The following PGGT1B variants were observed in gnomAD, a reference collection of about 807,000 sequenced individuals.
The protein encoded by PGGT1B is protein geranylgeranyltransferase type I subunit beta, also known as geranylgeranyl transferase type-1 subunit beta.
A neutral mutation model predicts 46.1 loss-of-function variants in PGGT1B; 30 were observed. The observed-to-expected ratio is 0.65, with a 90% CI of 0.49 to 0.88. The LOEUF (loss-of-function observed/expected upper bound fraction) is 0.88. Ranked by LOEUF, PGGT1B falls within the 40% of genes least tolerant of loss-of-function variation. The pLI, the probability that PGGT1B is intolerant of heterozygous loss-of-function variation, is 0.00. For missense variants in PGGT1B, 376 were observed against 455.9 expected (o/e 0.82, Z 1.60); for synonymous variants, 170 against 160.0 (o/e 1.06, Z -0.47).
At chr5:115,249,596 G>A (rs902236933) in intron 2 of PGGT1B, among the ~76,000 whole-genome samples, 1 of 150,990 alleles carries the variant, frequency 6.6e-6, no homozygotes, top group African/African-American at 2.4e-5. Flanking sequence ...AATGAGTCAG[G>A]GAGGAGCAGG....
intron 6 of PGGT1B, among the ~76,000 whole-genome samples, chr5:115,229,544 G>A (rs891903772): frequency 5.3e-5 from 8 of 151,970 alleles, no homozygotes. Flanking sequence ...TTCCTGACAG[G>A]ACCCATTAGA....
At position 115,262,375 on chromosome 5, in the gene PGGT1B, C is replaced by T. The variant is rs954161911; in HGVS notation, c.140+337G>A. On this transcript the variant is annotated intron_variant, in intron 1 of 8. Transcript: ENST00000419445. ...CAGAAGTATTCATCTAAAAATACGACGACAAACTTTGTCCTTTTCCTTTTA... is the reference window on the plus strand; with the variant it reads ...CAGAAGTATTCATCTAAAAATACGATGACAAACTTTGTCCTTTTCCTTTTA... The T allele has an allele frequency of 2.7e-5, 8 of 294,346 alleles. No homozygotes were observed. In the East Asian group the frequency reaches 6.3e-4, roughly 23 times the overall value. The allele number at this position is 294,346 out of a possible 1,614,324, so 18.2% of individuals were successfully genotyped here.
chr5:115,262,516 C>G, intron 1 of PGGT1B, 196 bp downstream of exon 1: 1 of 605,340 alleles, frequency 1.7e-6, no homozygotes, highest in Non-Finnish European at 2.9e-6. Context: ...CCACAGCCCT[C>G]GACCTACAGC....
intron 5 of PGGT1B, among the ~76,000 whole-genome samples, chr5:115,232,318 G>A (rs1757016411): frequency 6.6e-6 from 1 of 151,882 alleles, no homozygotes; most frequent in Non-Finnish European, 1.5e-5. Flanking sequence ...GAACTGCTAT[G>A]GGCAAAAAAA....
At chr5:115,222,663 G>GTGT in intron 6 of PGGT1B, among the ~76,000 whole-genome samples, 1 of 152,246 alleles carries the variant, frequency 6.6e-6, no homozygotes, top group Non-Finnish European at 1.5e-5. Flanking sequence ...CTGCTATAAA[G>GTGT]ACACATGTAC....
intron 4 of PGGT1B, among the ~76,000 whole-genome samples, 170 bp downstream of exon 4, chr5:115,237,687 GA>G (rs1263673587): frequency 6.6e-6 from 1 of 152,030 alleles, no homozygotes; most frequent in African/African-American, 2.4e-5. Context: ...ACTCACAGAG[GA>G]AATCTGAGGT....
At chr5:115,237,326 C>T (rs2127011369) in intron 4 of PGGT1B, among the ~76,000 whole-genome samples, 1 of 152,252 alleles carries the variant, frequency 6.6e-6, no homozygotes, top group South Asian at 2.1e-4. Flanking sequence ...GCTTCTCAGA[C>T]TTAAAATTTT....
At chr5:115,255,049 CT>C (rs1748254383) in intron 1 of PGGT1B, among the ~76,000 whole-genome samples, 1 of 152,142 alleles carries the variant, frequency 6.6e-6, no homozygotes, top group Non-Finnish European at 1.5e-5. Flanking sequence ...GATACCTAAA[CT>C]TTTCTAATCA....
intron 1 of PGGT1B, among the ~76,000 whole-genome samples, chr5:115,261,465 T>C (rs1447408368): frequency 6.6e-6 from 1 of 152,218 alleles, no homozygotes; most frequent in Non-Finnish European, 1.5e-5. Flanking sequence ...CAATTGCCAC[T>C]GGCCAATATG....
Position 115,212,555 on chromosome 5 carries a change from A to G in PGGT1B, c.981T>C (p.Cys327=). ...PDALHAYFGI[C]GLSLMEESGI... ...CACTTTCCTCCATTAGTGACAGGCC[A>G]CAGATCCCAAAGTATGCATGCAAAG... Residue 327 remains cysteine, a synonymous_variant, in exon 9 of 9, where the codon TGT becomes TGC. Transcript: ENST00000419445. 1 of 1,612,340 alleles carries G rather than the reference A, an allele frequency of 6.2e-7. No homozygotes were observed. The highest frequency in any genetic ancestry group is 8.5e-7 in the Non-Finnish European group (1 of 1,179,174).
intron 2 of PGGT1B, 164 bp downstream of exon 2, chr5:115,252,973 G>A: frequency 1.7e-6 from 1 of 597,226 alleles, no homozygotes; most frequent in Non-Finnish European, 2.9e-6. Context: ...GATCAGATTT[G>A]TTAAGTACTG....
At chr5:115,245,327 A>C (rs1245288279) in intron 2 of PGGT1B, among the ~76,000 whole-genome samples, 1 of 152,182 alleles carries the variant, frequency 6.6e-6, no homozygotes, top group Non-Finnish European at 1.5e-5. Context: ...TTCTGTTTTT[A>C]GCCTGATTAA....
intron 6 of PGGT1B, among the ~76,000 whole-genome samples, chr5:115,223,584 T>C (rs1756657216): frequency 6.6e-6 from 1 of 152,192 alleles, no homozygotes; most frequent in South Asian, 2.1e-4. Context: ...CCGGCCCTGC[T>C]GACATCTTGA....
At chr5:115,248,858 TA>T (rs1747969795) in intron 2 of PGGT1B, among the ~76,000 whole-genome samples, 1 of 152,204 alleles carries the variant, frequency 6.6e-6, no homozygotes, top group South Asian at 2.1e-4. Context: ...AGGTGAAGAA[TA>T]AATCTATCTG....
intron 1 of PGGT1B, among the ~76,000 whole-genome samples, chr5:115,259,593 G>A (rs1312979196): frequency 6.7e-6 from 1 of 150,244 alleles, no homozygotes; most frequent in East Asian, 2.0e-4. Context: ...AGAGGCTGAG[G>A]CAGGAGAATC....
At chr5:115,261,877 A>C (rs1580787277) in intron 1 of PGGT1B, among the ~76,000 whole-genome samples, 1 of 152,178 alleles carries the variant, frequency 6.6e-6, no homozygotes, top group South Asian at 2.1e-4. Flanking sequence ...GTACTCTGGC[A>C]CCTACCATAA....
rs913681808 is a variant in PGGT1B, at chr5:115,262,697, T to A, written c.140+15A>T. Reference sequence around the variant, plus strand: ...CGGGCCTTGTGCCAGCCTGGCTGACTGTGCCACGAGTTACCTGCTTGTCTC... The same window carrying A: ...CGGGCCTTGTGCCAGCCTGGCTGACAGTGCCACGAGTTACCTGCTTGTCTC... On this transcript the variant is annotated intron_variant, in intron 1 of 8. Coordinates refer to ENST00000419445, the MANE Select transcript of PGGT1B (RefSeq NM_005023.4). 1.0e-5 allele frequency: 16 copies of A among 1,597,280 alleles called. No homozygotes were observed. Among genetic ancestry groups the A allele is most frequent in the Non-Finnish European group, 1.4e-5 (16 of 1,171,528 alleles).
At chr5:115,214,891 T>A (rs1434367950) in intron 8 of PGGT1B, among the ~76,000 whole-genome samples, 1 of 152,236 alleles carries the variant, frequency 6.6e-6, no homozygotes, top group African/African-American at 2.4e-5. Flanking sequence ...GCACTAGAGA[T>A]ATCAAAAATT....
chr5:115,261,798 A>G (rs557716953), intron 1 of PGGT1B, among the ~76,000 whole-genome samples: 100 of 152,326 alleles, frequency 6.6e-4, no homozygotes, highest in African/African-American at 2.3e-3. Context: ...ATGCCTGTCT[A>G]TATACTCCTA....
Sources: gnomAD v4.1 joint callset for allele counts (sites outside exome capture counted in the v4.1 genomes callset) on GRCh38, gnomAD v4.1.1 for gene constraint, MANE v1.5 for transcripts, NCBI Gene and HGNC (gene_info 2026-07-23, HGNC 2026-07-21) for gene names.